DCC: variants seen among roughly 807,000 people sequenced by gnomAD.
DCC encodes the protein DCC netrin 1 receptor, also known as netrin receptor DCC.
Under a neutral mutation model 172.5 loss-of-function variants are expected in DCC, and 58 were observed. The ratio of observed to expected loss-of-function variants is 0.34; its 90% CI spans 0.27 to 0.42. The LOEUF (loss-of-function observed/expected upper bound fraction) is 0.42, where lower values mean the gene tolerates loss of function less well. DCC is among the 10% of genes least tolerant of loss of function. The probability of loss-of-function intolerance (pLI) is 1.00; values close to 1 mark genes in which losing one functional copy is unlikely to be tolerated. For synonymous variants in DCC, 709 were observed against 644.5 expected (o/e 1.10, Z -1.52); for missense variants, 1,740 against 1,791.0 (o/e 0.97, Z 0.51).
intron 1 of DCC, among the ~76,000 whole-genome samples, chr18:52,645,895 T>C (rs1415867879): frequency 6.6e-6 from 1 of 152,228 alleles, no homozygotes; most frequent in East Asian, 1.9e-4. Context: ...GAGCTTCAGC[T>C]TTCACAGGGG....
intron 7 of DCC, among the ~76,000 whole-genome samples, chr18:53,090,245 A>C (rs2144175265): frequency 6.6e-6 from 1 of 152,326 alleles, no homozygotes; most frequent in African/African-American, 2.4e-5. Flanking sequence ...AAAGGCAAAT[A>C]GTTATCTACA....
At chr18:52,601,755 A>T (rs1009600064) in intron 1 of DCC, among the ~76,000 whole-genome samples, 1 of 151,992 alleles carries the variant, frequency 6.6e-6, no homozygotes, top group East Asian at 1.9e-4. Context: ...ATCTTTTTGC[A>T]TGCCTATATT....
chr18:52,822,751 C>G (rs2038429726), intron 2 of DCC, among the ~76,000 whole-genome samples: 1 of 152,096 alleles, frequency 6.6e-6, no homozygotes, highest in African/African-American at 2.4e-5. Context: ...TTAAGGTTGT[C>G]TTTAGGATTA....
intron 2 of DCC, among the ~76,000 whole-genome samples, chr18:52,785,847 T>C (rs9945509): frequency 0.046 from 6,947 of 152,180 alleles, 239 homozygotes; most frequent in South Asian, 0.16. Context: ...TTAAACTTTC[T>C]AACTTCTCCT....
chr18:53,232,672 G>A (rs2056140865), intron 12 of DCC, among the ~76,000 whole-genome samples: 1 of 152,072 alleles, frequency 6.6e-6, no homozygotes, highest in African/African-American at 2.4e-5. Flanking sequence ...AATGTGTCCG[G>A]CTAAATCGAA....
chr18:52,830,459 T>C (rs2038593533), intron 2 of DCC, among the ~76,000 whole-genome samples: 1 of 152,148 alleles, frequency 6.6e-6, no homozygotes, highest in South Asian at 2.1e-4. Flanking sequence ...TGTCTTACTA[T>C]TTAATAGGAT....
chr18:53,392,561 C>A lies in DCC; in HGVS notation c.2688+674C>A, dbSNP rs555483975. 9.9e-4 allele frequency among the ~76,000 whole-genome samples: 150 copies of A among 152,236 alleles called. 1 individual carries two copies. Among genetic ancestry groups the A allele is most frequent in the Middle Eastern group, 6.8e-3 (2 of 292 alleles). ...ATTACCAGTTTCAAATCTCTATCAA[C>A]CAGCCTCAGGGATCATAACAACAAG... is the stretch of plus-strand genomic sequence containing the variant. On this transcript the variant is annotated intron_variant, in intron 17 of 28. Coordinates refer to ENST00000442544, the MANE Select transcript of DCC (RefSeq NM_005215.4).
intron 14 of DCC, among the ~76,000 whole-genome samples, chr18:53,323,600 G>A (rs192873759): frequency 2.6e-5 from 4 of 152,198 alleles, no homozygotes; most frequent in East Asian, 1.9e-4. Flanking sequence ...ACCTGATTGG[G>A]TACTTGAAAA....
intron 5 of DCC, among the ~76,000 whole-genome samples, chr18:52,953,367 TC>T (rs953256148): frequency 2.5e-4 from 38 of 152,292 alleles, no homozygotes; most frequent in Admixed American, 7.2e-4. Context: ...ATGCACAGCC[TC>T]GACTGATGTC....
At chr18:52,468,308 A>G (rs1322825139) in intron 1 of DCC, among the ~76,000 whole-genome samples, 1 of 152,228 alleles carries the variant, frequency 6.6e-6, no homozygotes, top group East Asian at 1.9e-4. Flanking sequence ...TAACCACAAA[A>G]AATTGTCCAT....
intron 2 of DCC, among the ~76,000 whole-genome samples, chr18:52,806,927 G>A (rs762570758): frequency 3.3e-5 from 5 of 152,170 alleles, no homozygotes; most frequent in Non-Finnish European, 5.9e-5. Context: ...AGGTGCAGTG[G>A]CTCACGCCTG....
intron 2 of DCC, among the ~76,000 whole-genome samples, chr18:52,832,795 T>C (rs1301475455): frequency 6.6e-6 from 1 of 152,200 alleles, no homozygotes. Context: ...AAGTGGCACA[T>C]GTTCATATGG....
In DCC at chr18:52,752,379, G is replaced by A. The variant is rs2037009957; in HGVS notation, c.412+5G>A. On this transcript the variant is annotated splice_donor_5th_base_variant and intron_variant, in intron 2 of 28. Coordinates refer to ENST00000442544, the MANE Select transcript of DCC (RefSeq NM_005215.4). ...CAGCAAAAGTTGCAGTAGCAGGTAG[G>A]TGGATTCTTCCTTCTCTTCCTCCTC... The A allele has an allele frequency of 1.2e-6, 2 of 1,608,836 alleles. No individual in the cohort carries two copies. The highest frequency in any genetic ancestry group is 2.2e-5 in the East Asian group (1 of 44,858).
In DCC at chr18:52,680,242, G is replaced by A. The variant is rs545448312; in HGVS notation, c.92-71812G>A. 5.7e-4 allele frequency among the ~76,000 whole-genome samples: 86 copies of A among 152,200 alleles called. 4 individuals are homozygous for A. In the South Asian group the frequency reaches 0.018, roughly 32 times the overall value. ...GGCAAACTTTTAAGCAGAGCATAGC[G>A]AGAGTGTTTGGGAGCACAGAGGAGG... On this transcript the variant is annotated intron_variant, in intron 1 of 28. Transcript: ENST00000442544.
chr18:52,594,016 T>C (rs2033857297), intron 1 of DCC, among the ~76,000 whole-genome samples: 1 of 152,180 alleles, frequency 6.6e-6, no homozygotes, highest in Non-Finnish European at 1.5e-5. Context: ...TGTGTTTCAA[T>C]ATAAGAGGGC....
intron 1 of DCC, among the ~76,000 whole-genome samples, chr18:52,678,620 T>C (rs565189664): frequency 1.3e-5 from 2 of 152,300 alleles, no homozygotes; most frequent in African/African-American, 4.8e-5. Flanking sequence ...AAAGCATTAG[T>C]GTAAAAAGGA....
chr18:53,382,166 CACTT>C (rs1005786123), intron 15 of DCC, among the ~76,000 whole-genome samples: 3 of 151,390 alleles, frequency 2.0e-5, no homozygotes, highest in East Asian at 1.9e-4. Flanking sequence ...TTTTGATAAA[CACTT>C]AGATAGATGC....
intron 14 of DCC, among the ~76,000 whole-genome samples, chr18:53,328,529 T>G (rs369109968): frequency 3.4e-4 from 51 of 152,204 alleles, no homozygotes; most frequent in African/African-American, 1.2e-3. Context: ...TGTTGTGTTG[T>G]TGTTGTTGTT....
chr18:52,715,689 A>G (rs955557582), intron 1 of DCC, among the ~76,000 whole-genome samples: 2 of 152,042 alleles, frequency 1.3e-5, no homozygotes, highest in Non-Finnish European at 2.9e-5. Flanking sequence ...CGGCACTCCT[A>G]AAAGTGAATT....
Sources: gnomAD v4.1 joint callset for allele counts (sites outside exome capture counted in the v4.1 genomes callset) on GRCh38, gnomAD v4.1.1 for gene constraint, MANE v1.5 for transcripts, NCBI Gene and HGNC (gene_info 2026-07-23, HGNC 2026-07-21) for gene names.